The following DDX42 variants were observed in gnomAD, a reference collection of about 807,000 sequenced individuals.
DDX42 encodes ATP-dependent RNA helicase DDX42.
DDX42 carries 22 observed loss-of-function variants against 101.5 expected under a neutral mutation model. The ratio of observed to expected loss-of-function variants is 0.22; its 90% CI spans 0.15 to 0.31. DDX42 has a LOEUF of 0.31. DDX42 is among the 10% of genes least tolerant of loss of function. The probability of loss-of-function intolerance (pLI) is 1.00; values close to 1 mark genes in which losing one functional copy is unlikely to be tolerated. For synonymous variants in DDX42, 402 were observed against 401.2 expected, an observed-to-expected ratio of 1.00 and a Z score of -0.02; for missense variants, 849 against 1,199.9, an observed-to-expected ratio of 0.71 and a Z score of 4.32.
At chr17:63,817,307 G>C (rs2060265636) in intron 17 of DDX42, 1 of 334,906 alleles carries the variant, frequency 3.0e-6, no homozygotes, top group Admixed American at 4.5e-5. Flanking sequence ...TTTACTGATA[G>C]TCACACTAAG....
intron 1 of DDX42, chr17:63,776,492 C>T (rs960316824): frequency 1.3e-5 from 2 of 152,202 alleles, no homozygotes; most frequent in African/African-American, 4.8e-5. Flanking sequence ...CTGATAGTCT[C>T]AATTTACCGA....
intron 6 of DDX42, 39 bp from the exon 7 acceptor site, chr17:63,805,032 C>T: frequency 6.4e-7 from 1 of 1,571,466 alleles, no homozygotes. Flanking sequence ...AGAATTGACT[C>T]TTGAATTCTA....
chr17:63,808,973 G>C, intron 10 of DDX42, 25 bp downstream of exon 10: 1 of 1,606,946 alleles, frequency 6.2e-7, no homozygotes, highest in Non-Finnish European at 8.5e-7. Flanking sequence ...TGTTTAAATG[G>C]CTTCTCAGCC....
intron 1 of DDX42, among the ~76,000 whole-genome samples, chr17:63,783,308 C>T (rs1386203967): frequency 6.6e-6 from 1 of 152,174 alleles, no homozygotes; most frequent in Non-Finnish European, 1.5e-5. Flanking sequence ...AGTTTTCCTG[C>T]TAGGAGATTG....
chr17:63,788,220 CAG>C (rs1396646670), intron 2 of DDX42, among the ~76,000 whole-genome samples: 2 of 149,404 alleles, frequency 1.3e-5, no homozygotes, highest in Non-Finnish European at 2.9e-5. Context: ...GTCTTTACTG[CAG>C]TCTTTTACTG....
At chr17:63,775,690 A>C (rs1330384153) in intron 1 of DDX42, among the ~76,000 whole-genome samples, 3 of 152,180 alleles carry the variant, frequency 2.0e-5, no homozygotes, top group African/African-American at 7.2e-5. Flanking sequence ...CGTTTGGAGC[A>C]CTGTGAGCTG....
At chr17:63,786,256 G>T (rs2039546114) in intron 1 of DDX42, among the ~76,000 whole-genome samples, 1 of 152,008 alleles carries the variant, frequency 6.6e-6, no homozygotes, top group African/African-American at 2.4e-5. Flanking sequence ...GTTTTTTTAA[G>T]AGACAGGATT....
intron 6 of DDX42, among the ~76,000 whole-genome samples, chr17:63,800,904 TTTCTTTTCTTTCCTTCCTTCCTTTCTTTC>T (rs1417193997): frequency 5.8e-4 from 11 of 18,926 alleles, no homozygotes; most frequent in South Asian, 5.5e-3. Context: ...TTTCTCTTTC[TTTCTTTTCTTTCCTTCCTTCCTTTCTTTC>T]TTTTCTTTCC....
chr17:63,804,975 T>G, intron 6 of DDX42, 96 bp from the exon 7 acceptor site: 4 of 1,446,290 alleles, frequency 2.8e-6, no homozygotes, highest in Non-Finnish European at 2.8e-6. Flanking sequence ...ATGGCTTTAC[T>G]TGTGTAAAAT....
At chr17:63,775,056 T>G (rs908054666) in intron 1 of DDX42, 14 of 152,680 alleles carry the variant, frequency 9.2e-5, no homozygotes, top group Non-Finnish European at 1.6e-4. Context: ...CCCTGTGTTT[T>G]CTTTTTGTCA....
chr17:63,778,940 G>T (rs931811910), intron 1 of DDX42, among the ~76,000 whole-genome samples: 2 of 152,162 alleles, frequency 1.3e-5, no homozygotes, highest in Admixed American at 1.3e-4. Context: ...TGCAATAGTG[G>T]AGGTGGAGAT....
At position 63,818,545 on chromosome 17, in the gene DDX42, A is replaced by G. The variant is rs1287833060; in HGVS notation, c.*147A>G. 1.6e-5 allele frequency: 11 copies of G among 695,520 alleles called. No individual in the cohort carries two copies. Among genetic ancestry groups the G allele is most frequent in the African/African-American group, 3.6e-5 (2 of 55,712 alleles). The allele number at this position is 695,520 out of a possible 1,614,324, so 43.1% of individuals were successfully genotyped here. On this transcript the variant is annotated 3_prime_UTR_variant, in exon 18 of 18. Transcript: ENST00000389924. The stretch of plus-strand genomic sequence containing the variant: ...TGGAGCTTGGAGACATTACCCCTTC[A>G]TCAGAAGGAATTTTCGGATGTTTTC...
upstream of DDX42, chr17:63,773,823 C>G (rs1452912720): frequency 1.3e-5 from 2 of 152,918 alleles, no homozygotes; most frequent in African/African-American, 4.8e-5. Context: ...GCTCCGGAAG[C>G]TAAAGGTGGC....
At chr17:63,817,281 C>CA (rs1164482338) in intron 17 of DDX42, 2 of 348,132 alleles carry the variant, frequency 5.7e-6, no homozygotes, top group Non-Finnish European at 1.0e-5. Flanking sequence ...ACCTCCAACT[C>CA]ACTTCTGAAG....
chr17:63,774,902 GAATA>G (rs560771890), intron 1 of DDX42: 321 of 152,466 alleles, frequency 2.1e-3, no homozygotes, highest in African/African-American at 7.3e-3. Context: ...TATCTGATGT[GAATA>G]AATAATTTAC....
At position 63,788,518 on chromosome 17, in the gene DDX42, C is replaced by T. The variant is rs1319725986; in HGVS notation, c.221+1248C>T. Among the ~76,000 whole-genome samples the T allele has an allele frequency of 4.0e-5, 6 of 149,656 alleles. No homozygotes were observed. The East Asian group carries it at 1.2e-3, about 29-fold the overall frequency. Reference sequence around the variant, plus strand: ...AGACGGGGTTTCACCGTGTTAGCCACAATGGTCTCAATCTCCTGACCTCAT... The same window carrying T: ...AGACGGGGTTTCACCGTGTTAGCCATAATGGTCTCAATCTCCTGACCTCAT... On this transcript the variant is annotated intron_variant, in intron 2 of 17. Coordinates refer to ENST00000389924, the MANE Select transcript of DDX42 (RefSeq NM_203499.3).
At position 63,792,510 on chromosome 17, in the gene DDX42, T is replaced by C; in HGVS notation, c.320T>C (p.Val107Ala). The change falls in exon 3 of 18, where the codon GTA becomes GCA. Residue 107 changes from valine to alanine, a missense_variant. By Grantham distance (64) the Val-to-Ala change is moderately conservative (BLOSUM62 0). Transcript: ENST00000389924. ...PTRQQFHSKP[V>A]DSDSDDDPLE... ...CGCCAGCAATTCCATTCCAAGCCAG[T>C]AGATTCTGACAGCGATGATGATCCC... The C allele has an allele frequency of 6.2e-7, 1 of 1,613,896 alleles. No individual in the cohort carries two copies. Among genetic ancestry groups the C allele is most frequent in the Non-Finnish European group, 8.5e-7 (1 of 1,179,892 alleles).
intron 2 of DDX42, 40 bp from the exon 3 acceptor site, chr17:63,792,372 A>G: frequency 6.3e-7 from 1 of 1,596,680 alleles, no homozygotes; most frequent in African/African-American, 1.3e-5. Flanking sequence ...CTGACCCCAA[A>G]GTAAGCATTC....
At chr17:63,810,630 C>A (rs2039898711) in intron 12 of DDX42, 70 bp downstream of exon 12, 1 of 1,436,560 alleles carries the variant, frequency 7.0e-7, no homozygotes, top group African/African-American at 1.4e-5. Context: ...TATAAGCACT[C>A]AGAGTTATGG....
Sources: allele counts gnomAD v4.1 joint callset (sites outside exome capture counted in the v4.1 genomes callset), GRCh38; gene constraint gnomAD v4.1.1; transcripts MANE v1.5; gene names NCBI Gene and HGNC (gene_info 2026-07-23, HGNC 2026-07-21).